ETV6: variants seen among roughly 807,000 people sequenced by gnomAD.
ETV6 encodes the protein transcription factor ETV6.
Under a neutral mutation model 51.1 loss-of-function variants are expected in ETV6, and 16 were observed. That is an observed-to-expected ratio of 0.31 (90% CI 0.21 to 0.48). The LOEUF (loss-of-function observed/expected upper bound fraction) is 0.48. ETV6 is among the 20% of genes least tolerant of loss of function. ETV6 has a pLI of 0.99. For synonymous variants in ETV6, 240 were observed against 224.1 expected (o/e 1.07, Z -0.64); for missense variants, 458 against 594.8 (o/e 0.77, Z 2.39).
intron 2 of ETV6, among the ~76,000 whole-genome samples, chr12:11,777,728 A>T (rs1029842578): frequency 6.6e-5 from 10 of 151,826 alleles, no homozygotes; most frequent in Non-Finnish European, 1.3e-4. Flanking sequence ...ACACTTCTTC[A>T]TTCCAAACCC....
chr12:11,768,947 A>G lies in ETV6; in HGVS notation c.163+16368A>G, dbSNP rs563154018. 5 of 486,428 alleles carry G rather than the reference A, an allele frequency of 1.0e-5. No homozygotes were observed. In the East Asian group the frequency reaches 2.3e-4, roughly 22 times the overall value. 30.1% of individuals were successfully genotyped at this position (486,428 alleles called of 1,614,324 possible). The stretch of plus-strand genomic sequence containing the variant: ...ACTGCTTGGGCTTGTTCTGAAGAAA[A>G]TTCAAATCTTGTTCTGTTTAACAAG... On this transcript the variant is annotated intron_variant, in intron 2 of 7. Coordinates refer to ENST00000396373, the MANE Select transcript of ETV6 (RefSeq NM_001987.5).
At chr12:11,863,236 A>AT (rs1946741139) in intron 4 of ETV6, among the ~76,000 whole-genome samples, 1 of 152,182 alleles carries the variant, frequency 6.6e-6, no homozygotes, top group South Asian at 2.1e-4. Context: ...ATTGGGTCAA[A>AT]TTTTTATGAA....
chr12:11,659,593 C>A (rs968620815), intron 1 of ETV6, among the ~76,000 whole-genome samples: 1 of 152,206 alleles, frequency 6.6e-6, no homozygotes, highest in African/African-American at 2.4e-5. Flanking sequence ...GGTCAGTAAT[C>A]CTGCTTCACT....
intron 2 of ETV6, among the ~76,000 whole-genome samples, chr12:11,820,056 C>G (rs2136433452): frequency 6.6e-6 from 1 of 152,352 alleles, no homozygotes; most frequent in Middle Eastern, 3.4e-3. Flanking sequence ...GTTCTAAGGT[C>G]CTTACACATA....
At chr12:11,784,341 C>A (rs1399480812) in intron 2 of ETV6, among the ~76,000 whole-genome samples, 2 of 151,894 alleles carry the variant, frequency 1.3e-5, no homozygotes, top group Non-Finnish European at 2.9e-5. Context: ...GCAGGAGAAT[C>A]ACTTGAACCT....
intron 2 of ETV6, among the ~76,000 whole-genome samples, chr12:11,788,332 C>A (rs1048842294): frequency 2.0e-5 from 3 of 152,054 alleles, no homozygotes; most frequent in Non-Finnish European, 4.4e-5. Context: ...GGGCCTTTTT[C>A]CCCCTCCACA....
At chr12:11,703,714 C>T (rs1865024947) in intron 1 of ETV6, among the ~76,000 whole-genome samples, 1 of 152,184 alleles carries the variant, frequency 6.6e-6, no homozygotes, top group Non-Finnish European at 1.5e-5. Context: ...ACTAACTACC[C>T]ATTAGCAGAT....
At chr12:11,707,000 A>G (rs1009463157) in intron 1 of ETV6, among the ~76,000 whole-genome samples, 5 of 152,174 alleles carry the variant, frequency 3.3e-5, no homozygotes, top group African/African-American at 7.2e-5. Context: ...GAAAGGGTCT[A>G]TTGTTCCCAG....
chr12:11,809,537 CG>C (rs937096516), intron 2 of ETV6, among the ~76,000 whole-genome samples: 4 of 152,120 alleles, frequency 2.6e-5, no homozygotes, highest in African/African-American at 9.7e-5. Context: ...ATAATTACCT[CG>C]AACTGTATAT....
rs550929355 is a variant in ETV6, at chr12:11,676,382, T to A, written c.33+26222T>A. Among the ~76,000 whole-genome samples the A allele has an allele frequency of 1.1e-3, 164 of 152,318 alleles. 1 individual carries two copies. The highest frequency in any genetic ancestry group is 3.8e-3 in the African/African-American group (159 of 41,572). ...CATTCCTTGCCCTGACAAATTTCTA[T>A]TACTCTCAGGTTAAAGCCCAACTAA... On this transcript the variant is annotated intron_variant, in intron 1 of 7. Coordinates refer to ENST00000396373, the MANE Select transcript of ETV6 (RefSeq NM_001987.5).
intron 2 of ETV6, among the ~76,000 whole-genome samples, chr12:11,785,198 T>C (rs1021909464): frequency 1.3e-5 from 2 of 152,096 alleles, no homozygotes; most frequent in Non-Finnish European, 2.9e-5. Flanking sequence ...CAAGACATGA[T>C]GGCAGGCCGT....
intron 4 of ETV6, among the ~76,000 whole-genome samples, chr12:11,866,998 G>A (rs535938132): frequency 1.4e-4 from 21 of 152,324 alleles, no homozygotes; most frequent in Admixed American, 8.5e-4. Context: ...ACGGACTGGG[G>A]AGGAACATGC....
Position 11,885,914 on chromosome 12 carries a change from T to A in ETV6, c.1153-12T>A, listed in dbSNP as rs776186431. ...TGTGCTTTTTTTCTCCCTTCCTCCTTTGAACAAACAGAACAGAACAAACAT... is the reference window on the plus strand; with the variant it reads ...TGTGCTTTTTTTCTCCCTTCCTCCTATGAACAAACAGAACAGAACAAACAT... On this transcript the variant is annotated splice_polypyrimidine_tract_variant and intron_variant, in intron 6 of 7. Transcript: ENST00000396373. 2 of 1,602,918 alleles carry A rather than the reference T, an allele frequency of 1.2e-6. No homozygotes were observed. The highest frequency in any genetic ancestry group is 1.1e-5 in the South Asian group (1 of 90,228).
chr12:11,842,595 T>C (rs1228659362), intron 3 of ETV6, among the ~76,000 whole-genome samples: 1 of 152,146 alleles, frequency 6.6e-6, no homozygotes, highest in Non-Finnish European at 1.5e-5. Flanking sequence ...CAAATGTAGG[T>C]TGAATGATGA....
At chr12:11,699,335 A>T (rs964368200) in intron 1 of ETV6, among the ~76,000 whole-genome samples, 8 of 152,228 alleles carry the variant, frequency 5.3e-5, no homozygotes, top group African/African-American at 1.9e-4. Flanking sequence ...CAGCTTGCTC[A>T]TTTTAATTCA....
At chr12:11,853,392 C>T (rs769039883) in intron 3 of ETV6, 35 bp from the exon 4 acceptor site, 1 of 1,613,354 alleles carries the variant, frequency 6.2e-7, no homozygotes, top group South Asian at 1.1e-5. Flanking sequence ...AAACATCTTT[C>T]CATTTCTCGA....
rs1002041697 is a variant in ETV6 at position 11,863,347 on chromosome 12, G to A, written c.464-6077G>A. Among the ~76,000 whole-genome samples, 11 of 152,246 alleles carry A rather than the reference G, an allele frequency of 7.2e-5. 1 individual carries two copies. The highest frequency in any genetic ancestry group is 3.4e-3 in the Middle Eastern group (1 of 294). ...TTAAAGTCCTGGTTTATTTTAGGCC[G>A]TTTGGCAGTGAGAAGAAGGGATTAT... On this transcript the variant is annotated intron_variant, in intron 4 of 7. Coordinates refer to ENST00000396373, the MANE Select transcript of ETV6 (RefSeq NM_001987.5).
intron 1 of ETV6, among the ~76,000 whole-genome samples, chr12:11,698,929 T>C (rs1162780904): frequency 6.6e-6 from 1 of 152,200 alleles, no homozygotes; most frequent in Admixed American, 6.5e-5. Flanking sequence ...AGAGAGGTTA[T>C]GTAACCTGCC....
At chr12:11,890,474 T>A (rs1245657087) in intron 7 of ETV6, among the ~76,000 whole-genome samples, 1 of 151,840 alleles carries the variant, frequency 6.6e-6, no homozygotes, top group Non-Finnish European at 1.5e-5. Context: ...GTCACCCAAG[T>A]TAGAGTGCAG....
Sources: gnomAD v4.1 joint callset for allele counts (sites outside exome capture counted in the v4.1 genomes callset) on GRCh38, gnomAD v4.1.1 for gene constraint, MANE v1.5 for transcripts, NCBI Gene and HGNC (gene_info 2026-07-23, HGNC 2026-07-21) for gene names.